The following IQCE variants were observed in gnomAD, a reference collection of about 807,000 sequenced individuals.
IQCE encodes the protein IQ domain-containing protein E.
IQCE carries 115 observed loss-of-function variants against 96.0 expected under a neutral mutation model. The observed-to-expected ratio is 1.20, with a 90% CI of 1.03 to 1.40. IQCE has a LOEUF of 1.40. Ranked by LOEUF, IQCE falls within the 40% of genes most tolerant of loss-of-function variation. IQCE has a pLI of 0.00. For missense variants in IQCE, 1,041 were observed against 909.1 expected (o/e 1.15, Z -1.87); for synonymous variants, 412 against 371.2 (o/e 1.11, Z -1.26).
At chr7:2,591,328 C>G (rs115664145) in intron 14 of IQCE, among the ~76,000 whole-genome samples, 2,431 of 152,164 alleles carry the variant, frequency 0.016, 59 homozygotes, top group African/African-American at 0.054. Context: ...CAGGGCCTCA[C>G]CGGGGGTTCT....
chr7:2,560,717 G>C (rs1330401750), intron 1 of IQCE, among the ~76,000 whole-genome samples: 1 of 151,900 alleles, frequency 6.6e-6, no homozygotes, highest in Non-Finnish European at 1.5e-5. Flanking sequence ...CAGCACTTTG[G>C]GAGGCTGAGG....
chr7:2,598,355 C>CA, intron 16 of IQCE, 110 bp from the exon 17 acceptor site: 1 of 1,079,954 alleles, frequency 9.3e-7, no homozygotes, highest in Non-Finnish European at 1.3e-6. Context: ...TAGTGAGACT[C>CA]ACCTGATAAG....
At position 2,592,038 on chromosome 7, in the gene IQCE, C is replaced by T. The variant is rs575538355; in HGVS notation, c.1245-984C>T. Among the ~76,000 whole-genome samples, 113 of 150,340 alleles carry T rather than the reference C, an allele frequency of 7.5e-4. 1 individual carries two copies. Among genetic ancestry groups the T allele is most frequent in the African/African-American group, 2.7e-3 (110 of 40,690 alleles). On this transcript the variant is annotated intron_variant, in intron 14 of 21. Coordinates refer to ENST00000402050, the MANE Select transcript of IQCE (RefSeq NM_152558.5). ...TGAGCCACCGCACCCGGGCCTGCCT[C>T]GGCCTCCCAAAGTGCTGGGATTACA...
chr7:2,585,700 C>T (rs1038247353), intron 11 of IQCE, among the ~76,000 whole-genome samples: 4 of 152,258 alleles, frequency 2.6e-5, no homozygotes, highest in South Asian at 2.1e-4. Flanking sequence ...GGAACGTGCG[C>T]GCCAGCGACT....
Position 2,584,253 on chromosome 7 carries a change from C to T in IQCE, c.792C>T (p.Thr264=), listed in dbSNP as rs1263852575. 1.2e-6 allele frequency: 2 copies of T among 1,613,914 alleles called. No individual in the cohort carries two copies. The highest frequency in any genetic ancestry group is 2.2e-5 in the East Asian group (1 of 44,902). The part of the protein sequence containing the change: ...TYYEEVHRLQ[T]LLASSETTGK... ...ATTTACAGGTGCATCGTCTCCAGACCCTCTTGGCAAGTTCTGAAACCACCG... is the reference window on the plus strand; with the variant it reads ...ATTTACAGGTGCATCGTCTCCAGACTCTCTTGGCAAGTTCTGAAACCACCG... The change falls in exon 11 of 22, where the codon ACC becomes ACT. Residue 264 remains threonine, a synonymous_variant. Transcript: ENST00000402050.
chr7:2,586,929 AG>A (rs1242988249), intron 12 of IQCE, among the ~76,000 whole-genome samples: 1 of 151,840 alleles, frequency 6.6e-6, no homozygotes, highest in Non-Finnish European at 1.5e-5. Flanking sequence ...CAGAGGGTGG[AG>A]GGGGGCCGTG....
chr7:2,579,870 A>C (rs1782531980), intron 8 of IQCE, among the ~76,000 whole-genome samples: 1 of 148,132 alleles, frequency 6.8e-6, no homozygotes, highest in Non-Finnish European at 1.5e-5. Flanking sequence ...TCCCACCTCA[A>C]CCTCCTGAGT....
intron 1 of IQCE, among the ~76,000 whole-genome samples, chr7:2,560,427 G>A (rs553999201): frequency 6.6e-6 from 1 of 152,236 alleles, no homozygotes; most frequent in Admixed American, 6.5e-5. Flanking sequence ...TCCTCCTAAG[G>A]AGACCACAGG....
intron 1 of IQCE, among the ~76,000 whole-genome samples, chr7:2,560,314 C>G (rs1273994336): frequency 1.3e-5 from 2 of 152,244 alleles, no homozygotes; most frequent in Non-Finnish European, 2.9e-5. Context: ...ATGAGCCTGA[C>G]TATGGGGAGT....
At position 2,605,919 on chromosome 7, in the gene IQCE, C is replaced by T. The variant is rs756944994; in HGVS notation, c.1787C>T (p.Thr596Met). 9.3e-6 allele frequency: 15 copies of T among 1,609,056 alleles called. No individual in the cohort carries two copies. The highest frequency in any genetic ancestry group is 1.1e-5 in the South Asian group (1 of 90,204). ...PRVPSPIAQA[T>M]GSPVQEEAIV... ...GTTCCGAGCCCCATCGCCCAGGCCA[C>T]GGGCAGCCCTGTGCAGGAGGAGGCC... is the stretch of plus-strand genomic sequence containing the variant. Residue 596 changes from threonine (T) to methionine (M), a missense_variant, in exon 20 of 22, where the codon ACG (threonine) becomes ATG (methionine). Physicochemically the swap from Thr to Met is moderately conservative, Grantham distance 81. Coordinates refer to ENST00000402050, the MANE Select transcript of IQCE (RefSeq NM_152558.5).
At chr7:2,608,395 C>T (rs1784970630) in intron 21 of IQCE, among the ~76,000 whole-genome samples, 1 of 152,214 alleles carries the variant, frequency 6.6e-6, no homozygotes. Flanking sequence ...AGCTAAGAAC[C>T]GTATACCACG....
chr7:2,587,088 T>C (rs539202670), intron 12 of IQCE, among the ~76,000 whole-genome samples: 2 of 152,312 alleles, frequency 1.3e-5, no homozygotes, highest in East Asian at 3.9e-4. Flanking sequence ...TTGCATCTTG[T>C]AGCTGGAGCT....
At chr7:2,607,722 T>A (rs554888292) in intron 21 of IQCE, among the ~76,000 whole-genome samples, 1 of 152,238 alleles carries the variant, frequency 6.6e-6, no homozygotes, top group East Asian at 1.9e-4. Context: ...ATGTTTAAAG[T>A]AGAGAACGGG....
Position 2,610,363 on chromosome 7 carries a change from C to T in IQCE, c.*201C>T. The T allele has an allele frequency of 1.9e-6, 1 of 523,918 alleles. No individual in the cohort carries two copies. Among genetic ancestry groups the T allele is most frequent in the Non-Finnish European group, 3.4e-6 (1 of 290,260 alleles). 32.5% of individuals were successfully genotyped at this position (523,918 alleles called of 1,614,324 possible). Reference sequence around the variant, plus strand: ...TTTATTCTCTGGGGAGGGCCAGCGGCTCGCATCCCCCTCATCTCCAGCTGC... The same window carrying T: ...TTTATTCTCTGGGGAGGGCCAGCGGTTCGCATCCCCCTCATCTCCAGCTGC... On this transcript the variant is annotated 3_prime_UTR_variant, in exon 22 of 22. Coordinates refer to ENST00000402050, the MANE Select transcript of IQCE (RefSeq NM_152558.5).
At chr7:2,582,049 C>G (rs1171918295) in intron 8 of IQCE, 2 of 468,894 alleles carry the variant, frequency 4.3e-6, no homozygotes, top group Non-Finnish European at 4.4e-6. Flanking sequence ...ATATTGTCTC[C>G]TCTAAGCAAG....
At chr7:2,589,793 T>G in intron 13 of IQCE, 114 bp from the exon 14 acceptor site, 1 of 1,007,514 alleles carries the variant, frequency 9.9e-7, no homozygotes, top group East Asian at 2.4e-5. Context: ...CAAAGCTTTC[T>G]CATGGCCCTG....
chr7:2,571,445 A>C (rs1279416742), intron 3 of IQCE, 81 bp from the exon 4 acceptor site: 1 of 1,569,852 alleles, frequency 6.4e-7, no homozygotes, highest in East Asian at 2.2e-5. Flanking sequence ...TTGTTTTCCT[A>C]TTTCTGTCTT....
At chr7:2,564,634 C>T (rs566845045) in intron 1 of IQCE, among the ~76,000 whole-genome samples, 2 of 151,966 alleles carry the variant, frequency 1.3e-5, no homozygotes, top group African/African-American at 2.4e-5. Context: ...GAATTCCTTT[C>T]TTTTGTTGAT....
chr7:2,578,104 G>A (rs1782336320), intron 6 of IQCE, 138 bp from the exon 7 acceptor site: 1 of 642,786 alleles, frequency 1.6e-6, no homozygotes, highest in East Asian at 2.8e-5. Context: ...GCGCAGTGGC[G>A]TGTGCGTGGC....
Sources: allele counts gnomAD v4.1 joint callset (sites outside exome capture counted in the v4.1 genomes callset), GRCh38; gene constraint gnomAD v4.1.1; transcripts MANE v1.5; gene names NCBI Gene and HGNC (gene_info 2026-07-23, HGNC 2026-07-21).